Variants in RBFOX1 observed in about 807,000 individuals in gnomAD.
The protein encoded by RBFOX1 is RNA binding fox-1 homolog 1, also known as RNA binding protein fox-1 homolog 1.
A neutral mutation model predicts 57.7 loss-of-function variants in RBFOX1; 8 were observed. The observed-to-expected ratio is 0.14, with a 90% CI of 0.08 to 0.25. The LOEUF (loss-of-function observed/expected upper bound fraction) is 0.25. Ranked by LOEUF, RBFOX1 falls within the 10% of genes least tolerant of loss-of-function variation. The pLI is 1.00. For synonymous variants in RBFOX1, 326 were observed against 222.4 expected, an observed-to-expected ratio of 1.47 and a Z score of -4.15; for missense variants, 611 against 548.5, an observed-to-expected ratio of 1.11 and a Z score of -1.14.
intron 1 of RBFOX1, among the ~76,000 whole-genome samples, chr16:6,300,546 G>T (rs1013750932): frequency 6.6e-6 from 1 of 152,140 alleles, no homozygotes; most frequent in South Asian, 2.1e-4. Context: ...AGTATTTAGC[G>T]GAGTACTCAT....
chr16:7,041,433 T>G (rs2046155832), intron 3 of RBFOX1, among the ~76,000 whole-genome samples: 1 of 152,196 alleles, frequency 6.6e-6, no homozygotes, highest in Non-Finnish European at 1.5e-5. Flanking sequence ...ACCACAATTC[T>G]TTTAACCATT....
At chr16:7,075,160 G>T (rs753048999) in intron 4 of RBFOX1, among the ~76,000 whole-genome samples, 1 of 152,196 alleles carries the variant, frequency 6.6e-6, no homozygotes, top group South Asian at 2.1e-4. Flanking sequence ...AGACAAGTTG[G>T]TTTTGTTCTG....
chr16:5,693,705 C>A (rs2050764206), intron 3 of RBFOX1, among the ~76,000 whole-genome samples: 1 of 152,160 alleles, frequency 6.6e-6, no homozygotes, highest in South Asian at 2.1e-4. Flanking sequence ...TTAAATGTCA[C>A]CTACAGTGAC....
intron 2 of RBFOX1, among the ~76,000 whole-genome samples, chr16:5,501,988 G>T (rs978219198): frequency 3.3e-5 from 5 of 152,090 alleles, no homozygotes; most frequent in Admixed American, 1.3e-4. Flanking sequence ...CTCCCAAAGT[G>T]CTGGGATTAC....
chr16:6,987,287 G>C (rs1295121165), intron 3 of RBFOX1, among the ~76,000 whole-genome samples: 1 of 152,106 alleles, frequency 6.6e-6, no homozygotes, highest in African/African-American at 2.4e-5. Context: ...TGGAATCTTA[G>C]GATCATCTGG....
At chr16:6,142,808 C>G (rs546201355) in intron 1 of RBFOX1, among the ~76,000 whole-genome samples, 62 of 152,320 alleles carry the variant, frequency 4.1e-4, no homozygotes, top group South Asian at 2.3e-3. Flanking sequence ...AGATCTCCTC[C>G]TGTCCATCTC....
chr16:7,670,616 G>C (rs992390565), intron 13 of RBFOX1, among the ~76,000 whole-genome samples: 1 of 152,146 alleles, frequency 6.6e-6, no homozygotes, highest in Non-Finnish European at 1.5e-5. Flanking sequence ...AAGGAGGAGA[G>C]AGAGGAACAA....
At chr16:6,640,889 A>G (rs1044786951) in intron 2 of RBFOX1, among the ~76,000 whole-genome samples, 2 of 152,180 alleles carry the variant, frequency 1.3e-5, no homozygotes, top group Non-Finnish European at 2.9e-5. Flanking sequence ...CAACATGAAC[A>G]TCAGAACAGC....
intron 3 of RBFOX1, among the ~76,000 whole-genome samples, chr16:6,904,004 C>T (rs1365487026): frequency 1.3e-5 from 2 of 152,056 alleles, no homozygotes; most frequent in Non-Finnish European, 2.9e-5. Context: ...CACGTGGTCA[C>T]AAAACACAGC....
At chr16:6,725,837 A>C (rs1242118501) in intron 3 of RBFOX1, among the ~76,000 whole-genome samples, 1 of 152,124 alleles carries the variant, frequency 6.6e-6, no homozygotes. Flanking sequence ...GTTGTGCAAT[A>C]CTGTTTGCCT....
At chr16:7,189,945 C>T (rs1400409001) in intron 4 of RBFOX1, among the ~76,000 whole-genome samples, 1 of 152,172 alleles carries the variant, frequency 6.6e-6, no homozygotes, top group East Asian at 1.9e-4. Context: ...GGCAAGACAT[C>T]AATTAGTGAT....
intron 1 of RBFOX1, among the ~76,000 whole-genome samples, chr16:5,314,829 G>GAAAA (rs35632580): frequency 1.4e-5 from 2 of 139,452 alleles, no homozygotes; most frequent in Non-Finnish European, 3.1e-5. Context: ...GAAGATATTG[G>GAAAA]AAAAAAAAAA....
intron 4 of RBFOX1, among the ~76,000 whole-genome samples, chr16:7,228,164 G>C (rs2093270933): frequency 1.3e-5 from 2 of 152,106 alleles, no homozygotes; most frequent in Admixed American, 1.3e-4. Flanking sequence ...GCGAGAGCAG[G>C]CATTGTGTCT....
At chr16:5,558,205 T>C (rs1385681552) in intron 2 of RBFOX1, among the ~76,000 whole-genome samples, 1 of 152,212 alleles carries the variant, frequency 6.6e-6, no homozygotes. Flanking sequence ...CTAGCCCCCC[T>C]GCCCTTGTGA....
intron 2 of RBFOX1, among the ~76,000 whole-genome samples, chr16:6,539,083 T>A (rs958851920): frequency 6.6e-6 from 1 of 151,600 alleles, no homozygotes; most frequent in African/African-American, 2.4e-5. Flanking sequence ...CAAGGCTGAC[T>A]CCTTTGACCC....
At chr16:6,187,237 C>G (rs1238784441) in intron 1 of RBFOX1, among the ~76,000 whole-genome samples, 1 of 152,096 alleles carries the variant, frequency 6.6e-6, no homozygotes. Context: ...AGAAAGCATT[C>G]TGCCTTCTAG....
intron 7 of RBFOX1, among the ~76,000 whole-genome samples, chr16:7,591,154 A>T (rs536893615): frequency 6.6e-6 from 1 of 152,116 alleles, no homozygotes; most frequent in Non-Finnish European, 1.5e-5. Context: ...GTTGCGTAAG[A>T]ATTTCCCAGG....
intron 2 of RBFOX1, among the ~76,000 whole-genome samples, chr16:5,526,736 G>T (rs891075509): frequency 2.0e-5 from 3 of 152,156 alleles, no homozygotes; most frequent in African/African-American, 7.2e-5. Context: ...CCCCCAGCCT[G>T]CATCCACGTA....
At chr16:7,455,722 G>A (rs2058361271) in intron 4 of RBFOX1, among the ~76,000 whole-genome samples, 1 of 149,300 alleles carries the variant, frequency 6.7e-6, no homozygotes, top group South Asian at 2.1e-4. Context: ...AGGAGGTAGA[G>A]GTTGCAATGA....
Sources: gnomAD v4.1 joint callset for allele counts (sites outside exome capture counted in the v4.1 genomes callset) on GRCh38, gnomAD v4.1.1 for gene constraint, MANE v1.5 for transcripts, NCBI Gene and HGNC (gene_info 2026-07-23, HGNC 2026-07-21) for gene names.